The following COPZ1 variants were observed in gnomAD, a reference collection of about 807,000 sequenced individuals.
COPZ1 encodes the protein coat protein complex I subunit zeta 1.
In COPZ1, 4 loss-of-function variants were observed where a neutral mutation model predicts 31.7. That is an observed-to-expected ratio of 0.13 (90% CI 0.06 to 0.29). COPZ1 has a LOEUF of 0.29. COPZ1 is among the 10% of genes least tolerant of loss of function. The pLI is 1.00. For missense variants in COPZ1, 156 were observed against 211.5 expected (o/e 0.74, Z 1.63); for synonymous variants, 74 against 79.0 (o/e 0.94, Z 0.33).
Position 54,349,617 on chromosome 12 carries a change from TA to T in COPZ1, c.448-2del. On this transcript the variant is annotated splice_acceptor_variant, in intron 7 of 8. Coordinates refer to ENST00000262061, the MANE Select transcript of COPZ1 (RefSeq NM_016057.3). LOFTEE classifies it high-confidence loss of function. Reference sequence around the variant, plus strand: ...ACTAAATGCTTGTATCTCTGTGCCATAGGGTGAAGATGTCCCCCTTACGGAG... The same window carrying T: ...ACTAAATGCTTGTATCTCTGTGCCATGGGTGAAGATGTCCCCCTTACGGAG... 1 of 1,611,546 alleles carries T rather than the reference TA, an allele frequency of 6.2e-7. No homozygotes were observed. Among genetic ancestry groups the T allele is most frequent in the Non-Finnish European group, 8.5e-7 (1 of 1,177,610 alleles).
intron 2 of COPZ1, among the ~76,000 whole-genome samples, chr12:54,341,563 G>T (rs1953974169): frequency 6.6e-6 from 1 of 152,184 alleles, no homozygotes; most frequent in Admixed American, 6.5e-5. Context: ...CTAAATGCCA[G>T]ACCTGTCATG....
rs747947087 is a variant in COPZ1, at chr12:54,349,650, G to A, written c.478G>A (p.Val160Met). The change falls in exon 8 of 9, where the codon GTG becomes ATG. Residue 160 changes from valine to methionine, a missense_variant. Val to Met is a conservative substitution (Grantham distance 21, BLOSUM62 1). Transcript: ENST00000262061. The part of the protein sequence containing the change: ...GEDVPLTEQT[V>M]SQVLQSAKEQ... ...AGATGTCCCCCTTACGGAGCAGACC[G>A]TGTCTCAGGTATGACTCTCCCTTCT... 29 of 1,612,148 alleles carry A rather than the reference G, an allele frequency of 1.8e-5. No homozygotes were observed. Among genetic ancestry groups the A allele is most frequent in the South Asian group, 3.3e-5 (3 of 91,040 alleles).
At chr12:54,330,456 G>T (rs981951097) in intron 1 of COPZ1, among the ~76,000 whole-genome samples, 1 of 152,068 alleles carries the variant, frequency 6.6e-6, no homozygotes, top group African/African-American at 2.4e-5. Context: ...GATTTCCGAC[G>T]TATTTATATA....
chr12:54,334,589 C>T (rs1044436779), intron 1 of COPZ1, among the ~76,000 whole-genome samples: 15 of 152,162 alleles, frequency 9.9e-5, no homozygotes, highest in African/African-American at 3.6e-4. Context: ...CACGGTGGCT[C>T]ATGCCTGTAA....
chr12:54,348,199 C>T (rs1565597703), intron 7 of COPZ1, 148 bp downstream of exon 7: 2 of 667,508 alleles, frequency 3.0e-6, no homozygotes, highest in Non-Finnish European at 2.6e-6. Flanking sequence ...CTTTCTCTTC[C>T]CTTCTCTTCT....
intron 3 of COPZ1, among the ~76,000 whole-genome samples, chr12:54,342,850 CT>C (rs1953996262): frequency 7.3e-6 from 1 of 136,550 alleles, no homozygotes; most frequent in Non-Finnish European, 1.5e-5. Context: ...ATGGTAACGC[CT>C]TCTTTTTTTT....
At chr12:54,350,191 C>T (rs1954124022) in intron 8 of COPZ1, 2 of 691,130 alleles carry the variant, frequency 2.9e-6, no homozygotes, top group Non-Finnish European at 5.3e-6. Flanking sequence ...CCCCTGCCCG[C>T]CGCCCCTTTT....
chr12:54,331,597 G>T (rs568366822), intron 1 of COPZ1, among the ~76,000 whole-genome samples: 5 of 152,276 alleles, frequency 3.3e-5, no homozygotes, highest in African/African-American at 1.2e-4. Flanking sequence ...ACTAAAACCA[G>T]AGGAGAATAG....
At position 54,334,148 on chromosome 12, in the gene COPZ1, C is replaced by G. The variant is rs1953811220; in HGVS notation, c.19-6399C>G. On this transcript the variant is annotated intron_variant, in intron 1 of 8. Coordinates refer to ENST00000262061, the MANE Select transcript of COPZ1 (RefSeq NM_016057.3). ...GTGGCTCATGCCTGTAATCCTAGCA[C>G]TTTGGGAGGTCAAGGTGGGCAGATC... 2.0e-5 allele frequency among the ~76,000 whole-genome samples: 3 copies of G among 151,622 alleles called. No homozygotes were observed. The South Asian group carries it at 6.3e-4, about 32-fold the overall frequency.
chr12:54,337,764 C>A (rs965783493), intron 1 of COPZ1, among the ~76,000 whole-genome samples: 3 of 152,202 alleles, frequency 2.0e-5, no homozygotes, highest in African/African-American at 7.2e-5. Context: ...AAATGACCAG[C>A]CTTTTCTGTA....
chr12:54,346,489 T>C, intron 5 of COPZ1: 1 of 565,798 alleles, frequency 1.8e-6, no homozygotes, highest in South Asian at 1.9e-5. Context: ...GCCAGGCTGG[T>C]CTTGAACTCC....
chr12:54,345,544 C>A, intron 5 of COPZ1, 29 bp downstream of exon 5: 1 of 1,566,616 alleles, frequency 6.4e-7, no homozygotes, highest in Non-Finnish European at 8.8e-7. Flanking sequence ...TTTTTCCCCT[C>A]AAGTTATGAT....
intron 4 of COPZ1, among the ~76,000 whole-genome samples, chr12:54,343,538 C>T (rs1303935633): frequency 6.6e-6 from 1 of 152,184 alleles, no homozygotes; most frequent in Non-Finnish European, 1.5e-5. Flanking sequence ...CATTAGGAAA[C>T]ATCATATATG....
At chr12:54,349,109 T>G (rs925867960) in intron 7 of COPZ1, among the ~76,000 whole-genome samples, 6 of 150,288 alleles carry the variant, frequency 4.0e-5, no homozygotes, top group African/African-American at 7.4e-5. Context: ...TATGTCTCTG[T>G]GTGGCAAGAG....
intron 5 of COPZ1, among the ~76,000 whole-genome samples, chr12:54,345,971 A>G (rs552415130): frequency 1.8e-4 from 28 of 151,616 alleles, no homozygotes; most frequent in African/African-American, 6.8e-4. Flanking sequence ...AAAAAAAAAA[A>G]AGTTGGGTTT....
chr12:54,325,303 C>A, intron 1 of COPZ1, 122 bp downstream of exon 1: 1 of 1,300,400 alleles, frequency 7.7e-7, no homozygotes, highest in Non-Finnish European at 1.0e-6. Context: ...GAGCGTTCTG[C>A]TGACCTTTGG....
At chr12:54,347,732 G>A in intron 5 of COPZ1, 35 bp from the exon 6 acceptor site, 1 of 1,590,078 alleles carries the variant, frequency 6.3e-7, no homozygotes, top group Non-Finnish European at 8.6e-7. Context: ...TCACATACAA[G>A]TTGGTTATTC....
intron 1 of COPZ1, 97 bp downstream of exon 1, chr12:54,325,278 TAATTCTTGG>T: frequency 6.9e-7 from 1 of 1,449,952 alleles, no homozygotes. Flanking sequence ...GAGTTCCGGG[TAATTCTTGG>T]GGACTGAGCG....
chr12:54,349,272 C>A (rs112027872), intron 7 of COPZ1, among the ~76,000 whole-genome samples: 8 of 152,282 alleles, frequency 5.3e-5, no homozygotes, highest in African/African-American at 1.7e-4. Flanking sequence ...CCTAGTGATA[C>A]TGATATTCAG....
Sources: gnomAD v4.1 joint callset for allele counts (sites outside exome capture counted in the v4.1 genomes callset) on GRCh38, gnomAD v4.1.1 for gene constraint, MANE v1.5 for transcripts, NCBI Gene and HGNC (gene_info 2026-07-23, HGNC 2026-07-21) for gene names.